Variants in DTWD2 observed in about 807,000 individuals in gnomAD.
DTWD2 encodes tRNA-uridine aminocarboxypropyltransferase 2.
In DTWD2, 39 loss-of-function variants were observed where a neutral mutation model predicts 31.8. That is an observed-to-expected ratio of 1.22 (90% CI 0.95 to 1.60). DTWD2 has a LOEUF of 1.60. Among genes scored for constraint, DTWD2 ranks in the 40% most tolerant of loss-of-function variants. The probability of loss-of-function intolerance (pLI) is 0.00; values close to 1 mark genes in which losing one functional copy is unlikely to be tolerated. For missense variants in DTWD2, 515 were observed against 381.5 expected (o/e 1.35, Z -2.92); for synonymous variants, 180 against 142.8 (o/e 1.26, Z -1.86).
chr5:118,847,709 G>A (rs1751891613), intron 5 of DTWD2, among the ~76,000 whole-genome samples: 1 of 151,538 alleles, frequency 6.6e-6, no homozygotes, highest in Admixed American at 6.6e-5. Flanking sequence ...TAAAAATGTT[G>A]CTATAGAATG....
chr5:118,982,556 A>G (rs1234314854), intron 1 of DTWD2, among the ~76,000 whole-genome samples: 2 of 152,180 alleles, frequency 1.3e-5, no homozygotes, highest in African/African-American at 4.8e-5. Flanking sequence ...AGAACAAACT[A>G]ATATAATAAT....
At chr5:118,856,887 C>T (rs1752148432) in intron 4 of DTWD2, among the ~76,000 whole-genome samples, 1 of 150,442 alleles carries the variant, frequency 6.6e-6, no homozygotes, top group Non-Finnish European at 1.5e-5. Context: ...ACTCTCCTGC[C>T]TCAGCCTCCC....
chr5:118,872,048 C>T (rs1010937178), intron 4 of DTWD2, among the ~76,000 whole-genome samples: 1 of 152,194 alleles, frequency 6.6e-6, no homozygotes, highest in African/African-American at 2.4e-5. Flanking sequence ...GAGATAGCTT[C>T]TCAAACCTCA....
At chr5:118,883,692 T>C (rs1175189672) in intron 4 of DTWD2, among the ~76,000 whole-genome samples, 1 of 152,018 alleles carries the variant, frequency 6.6e-6, no homozygotes, top group Non-Finnish European at 1.5e-5. Flanking sequence ...AACCATCAGA[T>C]TTCATGAGAA....
Position 118,938,169 on chromosome 5 carries a change from C to T in DTWD2, c.404+1027G>A, listed in dbSNP as rs1754087068. Among the ~76,000 whole-genome samples the T allele has an allele frequency of 2.0e-5, 3 of 151,900 alleles. No homozygotes were observed. The South Asian group carries it at 6.2e-4, about 31-fold the overall frequency. Reference sequence around the variant, plus strand: ...GTAAAGATGTTGGCTTTCACCACTTCCAATAAACATTATACTAAAGGTATC... The same window carrying T: ...GTAAAGATGTTGGCTTTCACCACTTTCAATAAACATTATACTAAAGGTATC... On this transcript the variant is annotated intron_variant, in intron 3 of 5. Coordinates refer to ENST00000510708, the MANE Select transcript of DTWD2 (RefSeq NM_173666.4).
Position 118,894,653 on chromosome 5 carries a change from C to T in DTWD2, c.597+33884G>A, listed in dbSNP as rs187947918. On this transcript the variant is annotated intron_variant, in intron 4 of 5. Transcript: ENST00000510708. ...TACTAGCAAACAGAATTTAACAACA[C>T]ATTAAAAAGACCATTTACCATGATC... Among the ~76,000 whole-genome samples, 39 of 152,208 alleles carry T rather than the reference C, an allele frequency of 2.6e-4. No individual in the cohort carries two copies. In the East Asian group the frequency reaches 7.1e-3, roughly 28 times the overall value.
intron 1 of DTWD2, among the ~76,000 whole-genome samples, chr5:118,949,118 G>A (rs1412201061): frequency 6.6e-6 from 1 of 152,170 alleles, no homozygotes; most frequent in Non-Finnish European, 1.5e-5. Flanking sequence ...GGAGCAGAAG[G>A]GTGTCCTTTT....
At chr5:118,951,159 T>C (rs547113343) in intron 1 of DTWD2, among the ~76,000 whole-genome samples, 2 of 152,192 alleles carry the variant, frequency 1.3e-5, no homozygotes, top group African/African-American at 4.8e-5. Context: ...GAGGAAATTG[T>C]TGGGCAGGTG....
chr5:118,904,760 T>G (rs1394791708), intron 4 of DTWD2, among the ~76,000 whole-genome samples: 1 of 152,130 alleles, frequency 6.6e-6, no homozygotes, highest in African/African-American at 2.4e-5. Flanking sequence ...ACAGGGTTAT[T>G]AAACGTTCAA....
chr5:118,930,844 G>T (rs1318875772), intron 3 of DTWD2, among the ~76,000 whole-genome samples: 1 of 152,094 alleles, frequency 6.6e-6, no homozygotes, highest in Non-Finnish European at 1.5e-5. Flanking sequence ...TGTTTGCTTA[G>T]GACTGGGAAG....
intron 3 of DTWD2, among the ~76,000 whole-genome samples, chr5:118,932,716 C>T (rs1350612017): frequency 6.6e-6 from 1 of 152,142 alleles, no homozygotes; most frequent in South Asian, 2.1e-4. Flanking sequence ...ACCATATGAA[C>T]AGGCAATGAG....
chr5:118,939,185 A>C lies in DTWD2; in HGVS notation c.404+11T>G. On this transcript the variant is annotated intron_variant, in intron 3 of 5. Transcript: ENST00000510708. The stretch of plus-strand genomic sequence containing the variant: ...AAAGAATTATTTACATTGCCCTAAC[A>C]GTTAATTTACCTTTCTTCACTGAAG... The C allele has an allele frequency of 1.3e-6, 2 of 1,595,554 alleles. No individual in the cohort carries two copies. The highest frequency in any genetic ancestry group is 1.7e-6 in the Non-Finnish European group (2 of 1,171,854).
chr5:118,965,093 C>A (rs938825880), intron 1 of DTWD2, among the ~76,000 whole-genome samples: 1 of 151,928 alleles, frequency 6.6e-6, no homozygotes. Context: ...CCGGCCGCAA[C>A]CCCGTCTGGG....
At chr5:118,953,568 G>C (rs1331514763) in intron 1 of DTWD2, among the ~76,000 whole-genome samples, 1 of 152,174 alleles carries the variant, frequency 6.6e-6, no homozygotes, top group Non-Finnish European at 1.5e-5. Context: ...ATATGGACTA[G>C]AGACCTATAA....
At position 118,838,465 on chromosome 5, in the gene DTWD2, C is replaced by T. The variant is rs1424540063; in HGVS notation, c.*2452G>A. ...CAATAAAAAAGTAATTTTTAAAAGCCTGATTAATTTTTCAATTAAAATACT... is the reference window on the plus strand; with the variant it reads ...CAATAAAAAAGTAATTTTTAAAAGCTTGATTAATTTTTCAATTAAAATACT... On this transcript the variant is annotated 3_prime_UTR_variant, in exon 6 of 6. Transcript: ENST00000510708. 1.3e-5 allele frequency: 2 copies of T among 152,044 alleles called. No homozygotes were observed. Among genetic ancestry groups the T allele is most frequent in the South Asian group, 2.1e-4 (1 of 4,832 alleles). The allele number at this position is 152,044 out of a possible 1,614,324, so 9.4% of individuals were successfully genotyped here.
chr5:118,954,599 C>T (rs907994121), intron 1 of DTWD2, among the ~76,000 whole-genome samples: 1 of 152,092 alleles, frequency 6.6e-6, no homozygotes, highest in Non-Finnish European at 1.5e-5. Context: ...CTGCAACCTC[C>T]GCCTCCCAAT....
intron 1 of DTWD2, among the ~76,000 whole-genome samples, chr5:118,966,616 T>C (rs561014822): frequency 2.8e-4 from 43 of 152,326 alleles, no homozygotes; most frequent in African/African-American, 8.4e-4. Flanking sequence ...AAGTAAACTA[T>C]AGAAGGAAAA....
At chr5:118,881,726 C>G (rs753687487) in intron 4 of DTWD2, among the ~76,000 whole-genome samples, 72 of 151,954 alleles carry the variant, frequency 4.7e-4, no homozygotes, top group Non-Finnish European at 8.8e-4. Context: ...AGAGAGAGCA[C>G]AATAGAAAAC....
At chr5:118,915,374 AT>A (rs199654152) in intron 4 of DTWD2, among the ~76,000 whole-genome samples, 11,303 of 138,118 alleles carry the variant, frequency 0.082, 1,377 homozygotes, top group African/African-American at 0.27. Flanking sequence ...TAATCTTTGA[AT>A]TTTTTTTTTT....
Sources: allele counts gnomAD v4.1 joint callset (sites outside exome capture counted in the v4.1 genomes callset), GRCh38; gene constraint gnomAD v4.1.1; transcripts MANE v1.5; gene names NCBI Gene and HGNC (gene_info 2026-07-23, HGNC 2026-07-21).